SAMD12: variants seen among roughly 807,000 people sequenced by gnomAD.
The protein encoded by SAMD12 is sterile alpha motif domain containing 12, also known as sterile alpha motif domain-containing protein 12.
A neutral mutation model predicts 15.0 loss-of-function variants in SAMD12; 9 were observed. The observed-to-expected ratio is 0.60, with a 90% CI of 0.36 to 1.05. The LOEUF (loss-of-function observed/expected upper bound fraction) is 1.05. Ranked by LOEUF, SAMD12 falls within the 50% of genes least tolerant of loss-of-function variation. The probability of loss-of-function intolerance (pLI) is 0.01; values close to 1 mark genes in which losing one functional copy is unlikely to be tolerated. For synonymous variants in SAMD12, 86 were observed against 90.1 expected, an observed-to-expected ratio of 0.96 and a Z score of 0.25; for missense variants, 230 against 234.2, an observed-to-expected ratio of 0.98 and a Z score of 0.12.
chr8:118,609,816 C>T (rs1828064351), intron 1 of SAMD12, among the ~76,000 whole-genome samples: 1 of 152,134 alleles, frequency 6.6e-6, no homozygotes, highest in Admixed American at 6.5e-5. Context: ...CAGGGAAGTC[C>T]AGGGCAGTGG....
chr8:118,403,549 A>G (rs1410237983), intron 3 of SAMD12, among the ~76,000 whole-genome samples: 1 of 152,242 alleles, frequency 6.6e-6, no homozygotes, highest in Non-Finnish European at 1.5e-5. Flanking sequence ...CAAGGTAGTC[A>G]TGAAAATGAG....
At chr8:118,518,307 T>C (rs1825298365) in intron 2 of SAMD12, among the ~76,000 whole-genome samples, 1 of 152,180 alleles carries the variant, frequency 6.6e-6, no homozygotes, top group Non-Finnish European at 1.5e-5. Context: ...GAGGGCTCTT[T>C]TGATAGGTAA....
At chr8:118,271,210 T>C (rs1422213880) in intron 4 of SAMD12, among the ~76,000 whole-genome samples, 1 of 152,158 alleles carries the variant, frequency 6.6e-6, no homozygotes, top group Non-Finnish European at 1.5e-5. Context: ...ATAATCATGG[T>C]GGACAGGGAA....
intron 4 of SAMD12, among the ~76,000 whole-genome samples, chr8:118,245,719 A>T (rs1812674370): frequency 1.3e-5 from 2 of 152,172 alleles, no homozygotes; most frequent in African/African-American, 4.8e-5. Context: ...CTAACTGGCA[A>T]AACATTCTCT....
intron 4 of SAMD12, among the ~76,000 whole-genome samples, chr8:118,233,551 G>T (rs923771575): frequency 6.6e-6 from 1 of 152,144 alleles, no homozygotes; most frequent in African/African-American, 2.4e-5. Context: ...CCTGTAAAAT[G>T]AGGACATTCC....
At chr8:118,207,919 TA>T (rs1019128180) in intron 4 of SAMD12, among the ~76,000 whole-genome samples, 10 of 67,604 alleles carry the variant, frequency 1.5e-4, no homozygotes, top group Admixed American at 1.2e-3. Flanking sequence ...AAGGTCTACG[TA>T]AATACTCCTT....
chr8:118,288,917 C>G (rs1243049228), intron 4 of SAMD12, among the ~76,000 whole-genome samples: 4 of 152,108 alleles, frequency 2.6e-5, no homozygotes, highest in Non-Finnish European at 4.4e-5. Context: ...GTCTCCCATG[C>G]TAGAAAAATG....
intron 1 of SAMD12, among the ~76,000 whole-genome samples, chr8:118,584,551 C>T (rs2131266153): frequency 6.6e-6 from 1 of 152,288 alleles, no homozygotes; most frequent in Middle Eastern, 3.4e-3. Context: ...ACTGACACCG[C>T]AGGCAGCTTG....
chr8:118,287,878 A>G (rs1268873989), intron 4 of SAMD12, among the ~76,000 whole-genome samples: 1 of 152,172 alleles, frequency 6.6e-6, no homozygotes, highest in African/African-American at 2.4e-5. Context: ...TATGTGGCCT[A>G]AACAGTCATA....
intron 3 of SAMD12, among the ~76,000 whole-genome samples, chr8:118,399,697 C>A (rs1820775072): frequency 6.6e-6 from 1 of 152,164 alleles, no homozygotes; most frequent in Admixed American, 6.5e-5. Flanking sequence ...AAGTATTGAA[C>A]ATGAGGACAC....
At chr8:118,160,155 T>C in the SAMD12 span, among the ~76,000 whole-genome samples, 1 of 152,248 alleles carries the variant, frequency 6.6e-6, no homozygotes, top group Non-Finnish European at 1.5e-5. Flanking sequence ...GTAAAACTCA[T>C]AATATTTAAA....
chr8:118,318,246 T>C (rs1229689496), intron 4 of SAMD12, among the ~76,000 whole-genome samples: 1 of 149,580 alleles, frequency 6.7e-6, no homozygotes, highest in African/African-American at 2.4e-5. Context: ...TGCACACATA[T>C]GTTTATTGCA....
chr8:118,542,224 T>G (rs2131151739), intron 2 of SAMD12, among the ~76,000 whole-genome samples: 1 of 152,164 alleles, frequency 6.6e-6, no homozygotes, highest in Non-Finnish European at 1.5e-5. Flanking sequence ...GAAAACCAAA[T>G]AGCAAGATAA....
chr8:118,597,559 G>C (rs1827754589), intron 1 of SAMD12, among the ~76,000 whole-genome samples: 1 of 152,218 alleles, frequency 6.6e-6, no homozygotes, highest in Admixed American at 6.5e-5. Flanking sequence ...GCCTATCAGA[G>C]CAAATCCTGA....
intron 2 of SAMD12, among the ~76,000 whole-genome samples, chr8:118,461,141 T>G (rs967578484): frequency 6.6e-6 from 1 of 152,202 alleles, no homozygotes; most frequent in Admixed American, 6.5e-5. Context: ...ATTCTCCAAT[T>G]AGAGTGCCTT....
At chr8:118,197,008 A>G (rs1302549631) in exon 5 of SAMD12, 1 of 152,104 alleles carries the variant, frequency 6.6e-6, no homozygotes, top group African/African-American at 2.4e-5. Context: ...TATTGTGGCC[A>G]TATTTACATC....
intron 2 of SAMD12, among the ~76,000 whole-genome samples, chr8:118,564,853 T>C (rs1156926419): frequency 1.3e-5 from 2 of 152,226 alleles, no homozygotes; most frequent in Admixed American, 1.3e-4. Flanking sequence ...CGCAGTGACT[T>C]GGTGATTGAA....
intron 2 of SAMD12, among the ~76,000 whole-genome samples, chr8:118,500,016 A>G (rs1382434798): frequency 6.7e-6 from 1 of 149,226 alleles, no homozygotes; most frequent in Non-Finnish European, 1.5e-5. Context: ...GTCCCCCCAC[A>G]TACATGAAGA....
At chr8:118,241,324 T>C (rs1812558663) in intron 4 of SAMD12, among the ~76,000 whole-genome samples, 1 of 152,134 alleles carries the variant, frequency 6.6e-6, no homozygotes, top group Non-Finnish European at 1.5e-5. Context: ...TTATCTGTAC[T>C]CATCACTTTC....
Sources: gnomAD v4.1 joint callset for allele counts (sites outside exome capture counted in the v4.1 genomes callset) on GRCh38, gnomAD v4.1.1 for gene constraint, MANE v1.5 for transcripts, NCBI Gene and HGNC (gene_info 2026-07-23, HGNC 2026-07-21) for gene names.